The following PCSK2 variants were observed in gnomAD, a reference collection of about 807,000 sequenced individuals.
PCSK2 encodes the protein neuroendocrine convertase 2.
A neutral mutation model predicts 69.7 loss-of-function variants in PCSK2; 14 were observed. The observed-to-expected ratio is 0.20, with a 90% CI of 0.13 to 0.31. PCSK2 has a LOEUF of 0.31. Among genes scored for constraint, PCSK2 ranks in the 10% least tolerant of loss-of-function variants. The probability of loss-of-function intolerance (pLI) is 1.00; values close to 1 mark genes in which losing one functional copy is unlikely to be tolerated. For missense variants in PCSK2, 544 were observed against 842.5 expected, an observed-to-expected ratio of 0.65 and a Z score of 4.39; for synonymous variants, 307 against 320.7, an observed-to-expected ratio of 0.96 and a Z score of 0.46.
intron 2 of PCSK2, among the ~76,000 whole-genome samples, chr20:17,276,161 A>T (rs1003248429): frequency 1.3e-5 from 2 of 152,076 alleles, no homozygotes; most frequent in African/African-American, 2.4e-5. Flanking sequence ...TACATACCAT[A>T]AAAAAATTAG....
chr20:17,328,188 T>C (rs1990116191), intron 2 of PCSK2, among the ~76,000 whole-genome samples: 4 of 152,180 alleles, frequency 2.6e-5, no homozygotes, highest in Admixed American at 1.3e-4. Flanking sequence ...AATTTAAGTT[T>C]CATTAAAGAT....
rs1006093744 is a variant in PCSK2 at position 17,453,515 on chromosome 20, G to C, written c.886-227G>C. Reference sequence around the variant, plus strand: ...CAATTTTCTTACCTCATTATCCCCAGCTTAAATTGTAAATTCAGTTGACTT... The same window carrying C: ...CAATTTTCTTACCTCATTATCCCCACCTTAAATTGTAAATTCAGTTGACTT... On this transcript the variant is annotated intron_variant, in intron 8 of 11. Transcript: ENST00000262545. This position sits in a 1 kb window ranked among gnomAD's most constrained non-coding sequence, Gnocchi z 4.0. Among the ~76,000 whole-genome samples, 8 of 152,100 alleles carry C rather than the reference G, an allele frequency of 5.3e-5. No homozygotes were observed. Among genetic ancestry groups the C allele is most frequent in the Non-Finnish European group, 1.2e-4 (8 of 68,014 alleles).
chr20:17,326,406 A>C (rs1990054725), intron 2 of PCSK2, among the ~76,000 whole-genome samples: 1 of 152,214 alleles, frequency 6.6e-6, no homozygotes, highest in Admixed American at 6.5e-5. Flanking sequence ...AGTAATATGG[A>C]ATCCTAGATG....
intron 2 of PCSK2, among the ~76,000 whole-genome samples, chr20:17,354,753 T>TA (rs1365551037): frequency 2.0e-5 from 3 of 152,164 alleles, no homozygotes; most frequent in Non-Finnish European, 4.4e-5. Context: ...TTACAATTCT[T>TA]ATGGTAGGAT....
intron 2 of PCSK2, among the ~76,000 whole-genome samples, chr20:17,307,402 A>T (rs1989358542): frequency 6.6e-6 from 1 of 152,220 alleles, no homozygotes; most frequent in Non-Finnish European, 1.5e-5. Flanking sequence ...TGAAGTGAAT[A>T]ACACGGTCAT....
At chr20:17,428,076 G>T (rs1173376391) in intron 6 of PCSK2, among the ~76,000 whole-genome samples, 1 of 152,204 alleles carries the variant, frequency 6.6e-6, no homozygotes, top group Non-Finnish European at 1.5e-5. Context: ...GCCTAATTTA[G>T]CAATGAAATG....
intron 8 of PCSK2, among the ~76,000 whole-genome samples, chr20:17,442,434 G>A (rs1283872414): frequency 6.6e-6 from 1 of 152,108 alleles, no homozygotes; most frequent in East Asian, 1.9e-4. Context: ...TCCAGTCTTA[G>A]AATGGATCAT....
chr20:17,287,151 A>G (rs1249447774), intron 2 of PCSK2, among the ~76,000 whole-genome samples: 2 of 151,516 alleles, frequency 1.3e-5, no homozygotes, highest in Non-Finnish European at 2.9e-5. Context: ...TGTTAATCAC[A>G]TCTAAAAAAA....
chr20:17,414,410 T>C (rs539541774), intron 6 of PCSK2, among the ~76,000 whole-genome samples: 2 of 152,308 alleles, frequency 1.3e-5, no homozygotes, highest in East Asian at 3.9e-4. Context: ...TAAACACCTC[T>C]ACACAAATAA....
chr20:17,307,647 A>G (rs146853902), intron 2 of PCSK2, among the ~76,000 whole-genome samples: 1 of 152,322 alleles, frequency 6.6e-6, no homozygotes, highest in African/African-American at 2.4e-5. Flanking sequence ...ATCCTCTTCC[A>G]TATACCTACC....
chr20:17,436,021 C>T lies in PCSK2; in HGVS notation c.710-687C>T, dbSNP rs573909272. Among the ~76,000 whole-genome samples the T allele has an allele frequency of 4.6e-5, 7 of 152,338 alleles. No individual in the cohort carries two copies. In the South Asian group the frequency reaches 1.5e-3, roughly 32 times the overall value. On this transcript the variant is annotated intron_variant, in intron 7 of 11. Transcript: ENST00000262545. ...ACTGCAGGACTTTGCTCCTTCCCAA[C>T]ATTCTGTGAGAAATCACTCCCACGA...
chr20:17,437,835 G>A (rs924151261), intron 8 of PCSK2, among the ~76,000 whole-genome samples: 5 of 152,348 alleles, frequency 3.3e-5, no homozygotes, highest in East Asian at 3.9e-4. Context: ...GGCCTCAGCC[G>A]ATAGATTCGT....
intron 1 of PCSK2, 122 bp downstream of exon 1, chr20:17,227,604 C>T: frequency 1.4e-6 from 1 of 703,910 alleles, no homozygotes; most frequent in Non-Finnish European, 2.4e-6. Flanking sequence ...GATATTCTGC[C>T]ATGGGCTCTT....
intron 11 of PCSK2, among the ~76,000 whole-genome samples, chr20:17,468,329 T>A (rs59378554): frequency 7.2e-6 from 1 of 138,092 alleles, no homozygotes; most frequent in East Asian, 2.3e-4. Flanking sequence ...CTACCATAGG[T>A]CAGCATCCTC....
intron 2 of PCSK2, among the ~76,000 whole-genome samples, chr20:17,354,435 C>A (rs983907330): frequency 1.3e-5 from 2 of 152,140 alleles, no homozygotes; most frequent in African/African-American, 2.4e-5. Flanking sequence ...GAGAATAAGT[C>A]AGTGACCTTT....
intron 2 of PCSK2, among the ~76,000 whole-genome samples, chr20:17,297,881 G>A (rs2123081014): frequency 6.6e-6 from 1 of 152,064 alleles, no homozygotes; most frequent in East Asian, 1.9e-4. Context: ...ACATACAATT[G>A]GATTTTGCAT....
At chr20:17,272,280 T>C (rs1393544037) in intron 2 of PCSK2, among the ~76,000 whole-genome samples, 5 of 152,126 alleles carry the variant, frequency 3.3e-5, no homozygotes, top group Non-Finnish European at 7.4e-5. Flanking sequence ...GCATGCTCAC[T>C]TCCCGTATCT....
chr20:17,412,051 G>A (rs954761798), intron 6 of PCSK2, among the ~76,000 whole-genome samples: 9 of 152,180 alleles, frequency 5.9e-5, no homozygotes, highest in African/African-American at 2.2e-4. Context: ...ACCAAAGGTA[G>A]ATAAAACCAC....
intron 6 of PCSK2, among the ~76,000 whole-genome samples, chr20:17,419,798 T>C (rs941898684): frequency 6.6e-5 from 10 of 152,196 alleles, no homozygotes; most frequent in African/African-American, 2.2e-4. Context: ...CTGTTGTCCA[T>C]AAAAATCTCT....
Sources: allele counts gnomAD v4.1 joint callset (sites outside exome capture counted in the v4.1 genomes callset), GRCh38; gene constraint gnomAD v4.1.1; non-coding constraint Gnocchi (gnomAD v3.1); transcripts MANE v1.5; gene names NCBI Gene and HGNC (gene_info 2026-07-23, HGNC 2026-07-21).